ST6GALNAC5: variants seen among roughly 807,000 people sequenced by gnomAD.
ST6GALNAC5 encodes ST6 N-acetylgalactosaminide alpha-2,6-sialyltransferase 5, also known as alpha-N-acetylgalactosaminide alpha-2,6-sialyltransferase 5.
A neutral mutation model predicts 33.6 loss-of-function variants in ST6GALNAC5; 27 were observed. The observed-to-expected ratio is 0.80, with a 90% confidence interval of 0.59 to 1.11. ST6GALNAC5 has a LOEUF of 1.11. ST6GALNAC5 is among the 50% of genes least tolerant of loss of function. ST6GALNAC5 has a pLI of 0.00. For synonymous variants in ST6GALNAC5, 194 were observed against 171.2 expected, an observed-to-expected ratio of 1.13 and a Z score of -1.04; for missense variants, 428 against 454.0, an observed-to-expected ratio of 0.94 and a Z score of 0.52.
chr1:76,961,834 G>T (rs1400245573), intron 2 of ST6GALNAC5, among the ~76,000 whole-genome samples: 1 of 152,118 alleles, frequency 6.6e-6, no homozygotes, highest in Non-Finnish European at 1.5e-5. Flanking sequence ...TACATCTTTT[G>T]CAGGGTCCTT....
rs146912752 is a variant in ST6GALNAC5 at position 77,051,857 on chromosome 1, G to A, written c.779+1492G>A. ...ATGGGTATACAGCAGATATAATTAT[G>A]CAATATTGCCATTAGGATGCCAGAA... On this transcript the variant is annotated intron_variant, in intron 4 of 4. Coordinates refer to ENST00000477717, the MANE Select transcript of ST6GALNAC5 (RefSeq NM_030965.3). Among the ~76,000 whole-genome samples, 662 of 152,204 alleles carry A rather than the reference G, an allele frequency of 4.3e-3. 1 individual carries two copies. The highest frequency in any genetic ancestry group is 0.01 in the Middle Eastern group (3 of 294).
At chr1:76,884,349 T>G (rs1415350468) in intron 2 of ST6GALNAC5, among the ~76,000 whole-genome samples, 1 of 152,164 alleles carries the variant, frequency 6.6e-6, no homozygotes, top group African/African-American at 2.4e-5. Flanking sequence ...GAATACCACA[T>G]ACTGACTTGA....
intron 2 of ST6GALNAC5, among the ~76,000 whole-genome samples, chr1:76,998,651 C>T (rs1472217181): frequency 6.6e-6 from 1 of 152,154 alleles, no homozygotes; most frequent in East Asian, 1.9e-4. Context: ...TTAGAACTTA[C>T]ATTTTTTTAA....
chr1:77,003,835 C>A (rs1650275077), intron 2 of ST6GALNAC5, among the ~76,000 whole-genome samples: 1 of 148,714 alleles, frequency 6.7e-6, no homozygotes, highest in African/African-American at 2.5e-5. Flanking sequence ...TCTCTTCTGG[C>A]TTGTAGGGTT....
At chr1:77,010,461 C>T (rs1650590417) in intron 2 of ST6GALNAC5, among the ~76,000 whole-genome samples, 1 of 152,098 alleles carries the variant, frequency 6.6e-6, no homozygotes, top group Admixed American at 6.5e-5. Context: ...TGCCACTGCA[C>T]TCCAGCCTGG....
At chr1:76,989,130 T>C (rs953811520) in intron 2 of ST6GALNAC5, among the ~76,000 whole-genome samples, 1 of 152,128 alleles carries the variant, frequency 6.6e-6, no homozygotes, top group African/African-American at 2.4e-5. Context: ...AGCAACTTTA[T>C]TGGGATATGT....
At chr1:77,000,082 G>C (rs1225569182) in intron 2 of ST6GALNAC5, among the ~76,000 whole-genome samples, 1 of 85,144 alleles carries the variant, frequency 1.2e-5, no homozygotes, top group African/African-American at 3.2e-5. Context: ...TTCCACAATG[G>C]TTGAACTAGT....
Position 77,005,456 on chromosome 1 carries a change from C to T in ST6GALNAC5, c.262-38748C>T, listed in dbSNP as rs547464110. ...TGCAGAAATCACCCGTCTTCTGCGT[C>T]GCTCACGCTGGGAGCTGTAGACCGG... is the stretch of plus-strand genomic sequence containing the variant. On this transcript the variant is annotated intron_variant, in intron 2 of 4. Coordinates refer to ENST00000477717, the MANE Select transcript of ST6GALNAC5 (RefSeq NM_030965.3). 5.3e-4 allele frequency among the ~76,000 whole-genome samples: 80 copies of T among 152,288 alleles called. 1 individual carries two copies. In the East Asian group the frequency reaches 6.4e-3, roughly 12 times the overall value.
chr1:76,968,395 G>A (rs890210249), intron 2 of ST6GALNAC5, among the ~76,000 whole-genome samples: 4 of 152,078 alleles, frequency 2.6e-5, no homozygotes, highest in African/African-American at 7.2e-5. Context: ...TCAGAGACTA[G>A]GATTGCAACC....
At chr1:76,944,777 C>A (rs1647456180) in intron 2 of ST6GALNAC5, among the ~76,000 whole-genome samples, 1 of 151,996 alleles carries the variant, frequency 6.6e-6, no homozygotes, top group Non-Finnish European at 1.5e-5. Flanking sequence ...TGATACTGTT[C>A]TTTGGAACGC....
At chr1:76,916,825 A>ATTT (rs1646980929) in intron 2 of ST6GALNAC5, among the ~76,000 whole-genome samples, 1 of 152,122 alleles carries the variant, frequency 6.6e-6, no homozygotes, top group African/African-American at 2.4e-5. Flanking sequence ...CCAAACAATG[A>ATTT]GTTTTTTCTT....
At chr1:76,990,053 T>C (rs776835633) in intron 2 of ST6GALNAC5, among the ~76,000 whole-genome samples, 9 of 152,210 alleles carry the variant, frequency 5.9e-5, no homozygotes, top group Non-Finnish European at 8.8e-5. Context: ...TTAAAAGTAT[T>C]TAAACTCTCT....
intron 2 of ST6GALNAC5, among the ~76,000 whole-genome samples, chr1:77,003,491 A>G (rs1333644394): frequency 6.7e-6 from 1 of 149,426 alleles, no homozygotes; most frequent in Non-Finnish European, 1.5e-5. Context: ...GTCCATTTAC[A>G]TTTAAAGTTA....
At chr1:76,898,975 T>G (rs1646786997) in intron 2 of ST6GALNAC5, among the ~76,000 whole-genome samples, 1 of 152,098 alleles carries the variant, frequency 6.6e-6, no homozygotes, top group African/African-American at 2.4e-5. Flanking sequence ...TGAGTTGCAT[T>G]GGGAACAGAG....
chr1:76,967,908 A>G (rs1427630336), intron 2 of ST6GALNAC5, among the ~76,000 whole-genome samples: 4 of 152,136 alleles, frequency 2.6e-5, no homozygotes. Context: ...GAATTTCTTA[A>G]TCCTGAGTTC....
rs79964710 is a variant in ST6GALNAC5 at position 77,048,064 on chromosome 1, G to A, written c.672-2194G>A. 6.5e-4 allele frequency among the ~76,000 whole-genome samples: 99 copies of A among 152,296 alleles called. 5 individuals are homozygous for A. The East Asian group carries it at 0.019, about 29-fold the overall frequency. ...TTAGGAAGTCTGGGGAATTTTAAGT[G>A]TTACTTTAAAGAACTCTTCACTTTA... On this transcript the variant is annotated intron_variant, in intron 3 of 4. Coordinates refer to ENST00000477717, the MANE Select transcript of ST6GALNAC5 (RefSeq NM_030965.3).
intron 2 of ST6GALNAC5, among the ~76,000 whole-genome samples, chr1:76,877,223 A>G (rs1333318537): frequency 1.3e-5 from 2 of 152,152 alleles, no homozygotes; most frequent in African/African-American, 4.8e-5. Context: ...CTCTGCGGTG[A>G]TTCACCTTTT....
At chr1:77,019,083 T>A (rs1211724329) in intron 2 of ST6GALNAC5, among the ~76,000 whole-genome samples, 1 of 152,184 alleles carries the variant, frequency 6.6e-6, no homozygotes, top group Admixed American at 6.5e-5. Flanking sequence ...AGATTCTATC[T>A]TGCTTAAACT....
intron 2 of ST6GALNAC5, among the ~76,000 whole-genome samples, chr1:76,963,683 T>C (rs1488300959): frequency 6.6e-6 from 1 of 152,190 alleles, no homozygotes; most frequent in Non-Finnish European, 1.5e-5. Flanking sequence ...CATTTCCACC[T>C]CTACATTTGT....
Sources: gnomAD v4.1 joint callset for allele counts (sites outside exome capture counted in the v4.1 genomes callset) on GRCh38, gnomAD v4.1.1 for gene constraint, MANE v1.5 for transcripts, NCBI Gene and HGNC (gene_info 2026-07-23, HGNC 2026-07-21) for gene names.